Variants in NRG2 observed in about 807,000 individuals in gnomAD.
NRG2 encodes neuregulin 2, also known as pro-neuregulin-2, membrane-bound isoform.
A neutral mutation model predicts 73.9 loss-of-function variants in NRG2; 27 were observed. That is an observed-to-expected ratio of 0.37 (90% confidence interval 0.27 to 0.50). NRG2 has a LOEUF of 0.50. NRG2 is among the 20% of genes least tolerant of loss of function. NRG2 has a pLI of 0.96. For missense variants in NRG2, 1,126 were observed against 1,210.1 expected, an observed-to-expected ratio of 0.93 and a Z score of 1.03; for synonymous variants, 532 against 541.0, an observed-to-expected ratio of 0.98 and a Z score of 0.23.
At chr5:139,885,392 C>T (rs1446093301) in intron 2 of NRG2, among the ~76,000 whole-genome samples, 2 of 152,170 alleles carry the variant, frequency 1.3e-5, no homozygotes, top group Non-Finnish European at 2.9e-5. Context: ...CCAGGAAGTG[C>T]AAAGATAACT....
intron 1 of NRG2, among the ~76,000 whole-genome samples, chr5:140,036,530 G>T (rs1304879832): frequency 2.0e-5 from 3 of 152,160 alleles, no homozygotes; most frequent in Non-Finnish European, 4.4e-5. Flanking sequence ...GTTCAAACTT[G>T]TCATAATTTA....
At chr5:139,878,020 G>A (rs574144776) in intron 3 of NRG2, among the ~76,000 whole-genome samples, 2 of 152,274 alleles carry the variant, frequency 1.3e-5, no homozygotes, top group Non-Finnish European at 2.9e-5. Context: ...CATGGCCTAC[G>A]GAGGGCTGAC....
At chr5:139,943,293 C>T (rs374907119) in intron 1 of NRG2, among the ~76,000 whole-genome samples, 149 of 152,046 alleles carry the variant, frequency 9.8e-4, no homozygotes, top group South Asian at 3.5e-3. Context: ...ATTACAGGCG[C>T]GTACCACCAT....
chr5:140,004,511 C>A (rs1389252330), intron 1 of NRG2, among the ~76,000 whole-genome samples: 1 of 152,066 alleles, frequency 6.6e-6, no homozygotes. Flanking sequence ...AGTAAGATGC[C>A]CTCGGAAAGA....
chr5:139,862,565 C>T (rs1762223823), intron 5 of NRG2, among the ~76,000 whole-genome samples: 1 of 152,244 alleles, frequency 6.6e-6, no homozygotes, highest in Non-Finnish European at 1.5e-5. Flanking sequence ...GCTTACCAGA[C>T]AATATGCAAA....
At position 139,854,439 on chromosome 5, in the gene NRG2, G is replaced by A. The variant is rs570130076; in HGVS notation, c.1292+1237C>T. Among the ~76,000 whole-genome samples, 151 of 152,272 alleles carry A rather than the reference G, an allele frequency of 9.9e-4. 1 individual carries two copies. The highest frequency in any genetic ancestry group is 2.0e-3 in the Non-Finnish European group (138 of 68,048). ...GAGCACCGGCCGTATGCCTGAGGCA[G>A]GACCTGGTGTCCAGCAGGCACTGAA... On this transcript the variant is annotated intron_variant, in intron 6 of 9. Transcript: ENST00000361474.
intron 1 of NRG2, among the ~76,000 whole-genome samples, chr5:139,903,890 G>A (rs1171751539): frequency 1.3e-5 from 2 of 152,212 alleles, no homozygotes; most frequent in Non-Finnish European, 2.9e-5. Flanking sequence ...CGAGGGCTCC[G>A]ATCTCTCCGA....
intron 5 of NRG2, among the ~76,000 whole-genome samples, chr5:139,860,191 C>G (rs895097060): frequency 2.0e-5 from 3 of 152,046 alleles, no homozygotes; most frequent in African/African-American, 7.2e-5. Flanking sequence ...GGGGTTAGTA[C>G]CTGGTGGCGA....
At chr5:140,014,169 C>T (rs1247960152) in intron 1 of NRG2, among the ~76,000 whole-genome samples, 1 of 152,170 alleles carries the variant, frequency 6.6e-6, no homozygotes, top group Non-Finnish European at 1.5e-5. Context: ...AAATTTGATC[C>T]ACTCAGACTC....
intron 1 of NRG2, among the ~76,000 whole-genome samples, chr5:139,946,085 C>T (rs76797405): frequency 0.017 from 2,638 of 152,110 alleles, 92 homozygotes; most frequent in African/African-American, 0.061. Flanking sequence ...AAATTCCTGG[C>T]TTGCTTTTTT....
At chr5:139,864,599 ATC>A (rs913248975) in intron 5 of NRG2, among the ~76,000 whole-genome samples, 1 of 151,450 alleles carries the variant, frequency 6.6e-6, no homozygotes, top group Non-Finnish European at 1.5e-5. Context: ...CCACATAAAT[ATC>A]TCTGGTATTC....
At chr5:139,908,006 T>C (rs2127187912) in intron 1 of NRG2, among the ~76,000 whole-genome samples, 1 of 152,388 alleles carries the variant, frequency 6.6e-6, no homozygotes, top group South Asian at 2.1e-4. Flanking sequence ...GGAGGTCAAC[T>C]CTTATTCCCA....
intron 1 of NRG2, among the ~76,000 whole-genome samples, chr5:139,938,986 A>AAAGT (rs1554111109): frequency 4.2e-5 from 6 of 143,232 alleles, no homozygotes; most frequent in African/African-American, 1.6e-4. Context: ...GGAAGGAAGG[A>AAAGT]AAGGAAGGAA....
At chr5:139,890,473 CTTTT>C (rs11288649) in intron 1 of NRG2, among the ~76,000 whole-genome samples, 76 of 106,036 alleles carry the variant, frequency 7.2e-4, no homozygotes, top group Admixed American at 1.2e-3. Context: ...TTCTTTCTTT[CTTTT>C]TTTTTTTTTT....
At chr5:139,880,834 C>T (rs1301007905) in intron 3 of NRG2, 22 bp downstream of exon 3, 4 of 1,601,090 alleles carry the variant, frequency 2.5e-6, no homozygotes, top group Non-Finnish European at 3.4e-6. Flanking sequence ...TAGGACCCTT[C>T]CCTCTGTCTG....
intron 1 of NRG2, among the ~76,000 whole-genome samples, chr5:139,935,424 T>G (rs964640326): frequency 6.6e-6 from 1 of 152,194 alleles, no homozygotes; most frequent in Non-Finnish European, 1.5e-5. Flanking sequence ...TTGTTTCAAG[T>G]GCATAGAGAA....
intron 1 of NRG2, among the ~76,000 whole-genome samples, chr5:139,935,540 T>A (rs1752782398): frequency 6.6e-6 from 1 of 152,222 alleles, no homozygotes; most frequent in Admixed American, 6.5e-5. Flanking sequence ...AGAATTAAAT[T>A]AGAAATCAAT....
At chr5:139,982,426 T>C (rs1016486186) in intron 1 of NRG2, among the ~76,000 whole-genome samples, 7 of 152,122 alleles carry the variant, frequency 4.6e-5, no homozygotes, top group African/African-American at 1.7e-4. Flanking sequence ...GGAAACCTGT[T>C]CTAATCACTT....
intron 1 of NRG2, among the ~76,000 whole-genome samples, chr5:139,978,939 C>T (rs903998895): frequency 6.6e-6 from 1 of 151,880 alleles, no homozygotes; most frequent in Non-Finnish European, 1.5e-5. Context: ...TTTGTAGGGA[C>T]ATGGATGAAG....
Sources: allele counts gnomAD v4.1 joint callset (sites outside exome capture counted in the v4.1 genomes callset), GRCh38; gene constraint gnomAD v4.1.1; transcripts MANE v1.5; gene names NCBI Gene and HGNC (gene_info 2026-07-23, HGNC 2026-07-21).